Variants in GRIA1 observed in about 807,000 individuals in gnomAD.
The protein encoded by GRIA1 is glutamate receptor 1.
GRIA1 carries 31 observed loss-of-function variants against 99.2 expected under a neutral mutation model. That is an observed-to-expected ratio of 0.31 (90% CI 0.23 to 0.42). The LOEUF (loss-of-function observed/expected upper bound fraction) is 0.42, where lower values mean the gene tolerates loss of function less well. Among genes scored for constraint, GRIA1 ranks in the 10% least tolerant of loss-of-function variants. The probability of loss-of-function intolerance (pLI) is 1.00; values close to 1 mark genes in which losing one functional copy is unlikely to be tolerated. For synonymous variants in GRIA1, 438 were observed against 432.4 expected (o/e 1.01, Z -0.16); for missense variants, 782 against 1,157.5 (o/e 0.68, Z 4.71).
intron 13 of GRIA1, among the ~76,000 whole-genome samples, chr5:153,789,318 CATAT>C (rs70978507): frequency 1.3e-4 from 19 of 147,466 alleles, no homozygotes; most frequent in Non-Finnish European, 1.8e-4. Flanking sequence ...TTTGATATTA[CATAT>C]ATATATATAT....
rs558542377 is a variant in GRIA1 at position 153,737,988 on chromosome 5, G to C, written c.1824-26446G>C. ...TTAACTGCTAAGAGGCTAAAGGAAGGGTATACATAGGGGCCCCTATCCCCA... is the reference window on the plus strand; with the variant it reads ...TTAACTGCTAAGAGGCTAAAGGAAGCGTATACATAGGGGCCCCTATCCCCA... On this transcript the variant is annotated intron_variant, in intron 11 of 15. Transcript: ENST00000285900. Among the ~76,000 whole-genome samples the C allele has an allele frequency of 5.3e-5, 8 of 152,304 alleles. No homozygotes were observed. In the East Asian group the frequency reaches 1.5e-3, roughly 29 times the overall value.
intron 5 of GRIA1, among the ~76,000 whole-genome samples, chr5:153,673,999 G>T (rs1344302518): frequency 1.3e-5 from 2 of 152,206 alleles, no homozygotes; most frequent in African/African-American, 2.4e-5. Context: ...ACTCATAGGA[G>T]CTTGCCCAGT....
At chr5:153,761,409 T>C (rs973719016) in intron 11 of GRIA1, among the ~76,000 whole-genome samples, 5 of 152,100 alleles carry the variant, frequency 3.3e-5, no homozygotes, top group African/African-American at 1.2e-4. Context: ...ACAGAGTGTA[T>C]GAAAAAGTGC....
At chr5:153,704,862 A>G (rs1048654058) in intron 10 of GRIA1, among the ~76,000 whole-genome samples, 1 of 152,178 alleles carries the variant, frequency 6.6e-6, no homozygotes, top group Non-Finnish European at 1.5e-5. Context: ...AGATTGGAAA[A>G]TTGTTTGTGT....
At chr5:153,758,712 T>A (rs182107791) in intron 11 of GRIA1, among the ~76,000 whole-genome samples, 70 of 152,070 alleles carry the variant, frequency 4.6e-4, no homozygotes, top group African/African-American at 1.6e-3. Flanking sequence ...CTAGACCAAA[T>A]GGACCTAACA....
chr5:153,537,719 T>C (rs1561622232), intron 2 of GRIA1, among the ~76,000 whole-genome samples: 1 of 152,204 alleles, frequency 6.6e-6, no homozygotes, highest in East Asian at 1.9e-4. Flanking sequence ...CAAATGCACA[T>C]TCAGCCAGTG....
chr5:153,643,191 A>C (rs1259856801), intron 2 of GRIA1, among the ~76,000 whole-genome samples: 1 of 152,244 alleles, frequency 6.6e-6, no homozygotes, highest in African/African-American at 2.4e-5. Context: ...TTGTCGAATC[A>C]GTAAACATTT....
intron 2 of GRIA1, among the ~76,000 whole-genome samples, chr5:153,573,680 C>T (rs1225903598): frequency 6.6e-6 from 1 of 152,058 alleles, no homozygotes; most frequent in Non-Finnish European, 1.5e-5. Flanking sequence ...CTACTAAGTG[C>T]CAGGCTCTAT....
At chr5:153,596,871 T>A (rs1012160176) in intron 2 of GRIA1, among the ~76,000 whole-genome samples, 6 of 152,240 alleles carry the variant, frequency 3.9e-5, no homozygotes, top group African/African-American at 1.4e-4. Flanking sequence ...TCATATTTGT[T>A]TGCTAAAGCT....
intron 4 of GRIA1, among the ~76,000 whole-genome samples, chr5:153,654,443 A>G (rs1754790057): frequency 6.6e-6 from 1 of 152,148 alleles, no homozygotes; most frequent in South Asian, 2.1e-4. Context: ...TTAGAAGCTG[A>G]ATAGGTTCTT....
chr5:153,627,986 C>T (rs548206948), intron 2 of GRIA1, among the ~76,000 whole-genome samples: 1 of 152,140 alleles, frequency 6.6e-6, no homozygotes, highest in Non-Finnish European at 1.5e-5. Context: ...GGGAGGCAAA[C>T]CCAGGCAGGC....
chr5:153,685,921 T>C (rs1273836329), intron 7 of GRIA1, among the ~76,000 whole-genome samples: 1 of 152,172 alleles, frequency 6.6e-6, no homozygotes, highest in African/African-American at 2.4e-5. Context: ...GGTTGTGTGA[T>C]GGGAGGTGTT....
intron 2 of GRIA1, among the ~76,000 whole-genome samples, chr5:153,607,494 T>C (rs1232367575): frequency 1.3e-5 from 2 of 152,030 alleles, no homozygotes; most frequent in Admixed American, 1.3e-4. Flanking sequence ...TCTCTAAAGA[T>C]AGACTTAACC....
At chr5:153,770,781 A>G (rs891896233) in intron 13 of GRIA1, among the ~76,000 whole-genome samples, 2 of 152,246 alleles carry the variant, frequency 1.3e-5, no homozygotes, top group African/African-American at 4.8e-5. Flanking sequence ...GTTCTCCAGC[A>G]ACCTGAATTC....
intron 11 of GRIA1, chr5:153,755,723 C>G (rs1762784770): frequency 6.6e-6 from 1 of 152,200 alleles, no homozygotes; most frequent in Non-Finnish European, 1.5e-5. Flanking sequence ...AGGAGATAAC[C>G]TGCTCATATC....
At chr5:153,696,896 A>T (rs1215735061) in intron 8 of GRIA1, among the ~76,000 whole-genome samples, 9 of 148,164 alleles carry the variant, frequency 6.1e-5, no homozygotes, top group Non-Finnish European at 1.5e-5. Context: ...TAGTCAAGTC[A>T]TTCTACTGTT....
chr5:153,581,558 G>C (rs931305776), intron 2 of GRIA1, among the ~76,000 whole-genome samples: 1 of 152,048 alleles, frequency 6.6e-6, no homozygotes, highest in African/African-American at 2.4e-5. Flanking sequence ...GATATTTCCT[G>C]CCTGCCTCCT....
chr5:153,633,053 G>A (rs78258888), intron 2 of GRIA1, among the ~76,000 whole-genome samples: 234 of 152,290 alleles, frequency 1.5e-3, no homozygotes, highest in Non-Finnish European at 2.8e-3. Context: ...GCATCTATGT[G>A]GGTGGGGCCT....
At chr5:153,693,922 A>G (rs1355188083) in intron 8 of GRIA1, among the ~76,000 whole-genome samples, 1 of 152,240 alleles carries the variant, frequency 6.6e-6, no homozygotes, top group African/African-American at 2.4e-5. Flanking sequence ...CTTTCTTTTC[A>G]TCAAACTGTG....
Sources: gnomAD v4.1 joint callset for allele counts (sites outside exome capture counted in the v4.1 genomes callset) on GRCh38, gnomAD v4.1.1 for gene constraint, MANE v1.5 for transcripts, NCBI Gene and HGNC (gene_info 2026-07-23, HGNC 2026-07-21) for gene names.